The following SNX3 variants were observed in gnomAD, a reference collection of about 807,000 sequenced individuals.
SNX3 encodes sorting nexin 3.
A neutral mutation model predicts 17.7 loss-of-function variants in SNX3; 5 were observed. That is an observed-to-expected ratio of 0.28 (90% CI 0.15 to 0.59). SNX3 has a LOEUF of 0.59. Ranked by LOEUF, SNX3 falls within the 20% of genes least tolerant of loss-of-function variation. SNX3 has a pLI of 0.88. For synonymous variants in SNX3, 91 were observed against 76.5 expected (o/e 1.19, Z -0.99); for missense variants, 132 against 206.8 (o/e 0.64, Z 2.22).
chr6:108,245,656 C>T (rs1329362976), intron 1 of SNX3, among the ~76,000 whole-genome samples: 2 of 152,152 alleles, frequency 1.3e-5, no homozygotes, highest in Non-Finnish European at 1.5e-5. Flanking sequence ...TTCTAACTGG[C>T]GTGAGATGGT....
At chr6:108,257,741 A>G (rs140148339) in intron 1 of SNX3, among the ~76,000 whole-genome samples, 7,632 of 151,768 alleles carry the variant, frequency 0.05, 280 homozygotes, top group South Asian at 0.19. Context: ...CAAGGTAGGC[A>G]GATCATGAGG....
chr6:108,229,259 CAA>C (rs778617695), intron 1 of SNX3, among the ~76,000 whole-genome samples: 5,309 of 68,586 alleles, frequency 0.077, 74 homozygotes, highest in Middle Eastern at 0.2. Flanking sequence ...GACTCCACCT[CAA>C]AAAAAAAAAA....
chr6:108,212,227 G>A lies in SNX3; in HGVS notation c.411C>T (p.Asn137=), dbSNP rs746864520. The A allele has an allele frequency of 2.2e-5, 35 of 1,610,738 alleles. No homozygotes were observed. The highest frequency in any genetic ancestry group is 2.7e-5 in the Non-Finnish European group (32 of 1,178,536). ...GTAAAAACATGTGAAGACAACGTTC[G>A]TTCTGTGCCAGAGGATGACCAGCGA... ...NKVAGHPLAQ[N]ERCLHMFLQD... is the part of the protein sequence containing the mutation. The change falls in exon 4 of 4, where the codon AAC becomes AAT. Residue 137 remains asparagine (N), a synonymous_variant. Coordinates refer to ENST00000230085, the MANE Select transcript of SNX3 (RefSeq NM_003795.6).
At chr6:108,235,647 G>C (rs1775304998) in intron 1 of SNX3, among the ~76,000 whole-genome samples, 1 of 152,170 alleles carries the variant, frequency 6.6e-6, no homozygotes, top group South Asian at 2.1e-4. Flanking sequence ...TGTAATCCCA[G>C]CATGTTGGGA....
At chr6:108,234,176 T>C (rs986720817) in intron 1 of SNX3, among the ~76,000 whole-genome samples, 3 of 151,898 alleles carry the variant, frequency 2.0e-5, no homozygotes, top group South Asian at 2.1e-4. Context: ...TCTTTGATGT[T>C]TGAATGAAAG....
chr6:108,260,658 C>T, intron 1 of SNX3, 102 bp downstream of exon 1: 2 of 1,380,090 alleles, frequency 1.4e-6, no homozygotes, highest in East Asian at 5.0e-5. Flanking sequence ...GGCTCCCGGC[C>T]TGGGAGGCTG....
intron 1 of SNX3, among the ~76,000 whole-genome samples, chr6:108,246,522 G>A (rs938211436): frequency 2.7e-5 from 4 of 150,796 alleles, no homozygotes; most frequent in Admixed American, 2.6e-4. Context: ...TAGACATGGG[G>A]TTTCACCATG....
At chr6:108,242,915 G>T (rs1308365114) in intron 1 of SNX3, among the ~76,000 whole-genome samples, 1 of 152,128 alleles carries the variant, frequency 6.6e-6, no homozygotes, top group Non-Finnish European at 1.5e-5. Flanking sequence ...AAGCCTGGAA[G>T]AGAACTCCCG....
chr6:108,243,038 G>T (rs1211598284), intron 1 of SNX3, among the ~76,000 whole-genome samples: 2 of 152,202 alleles, frequency 1.3e-5, no homozygotes, highest in South Asian at 2.1e-4. Flanking sequence ...ACAGAAACTT[G>T]TGAGATGATA....
At chr6:108,235,412 A>T (rs1203148217) in intron 1 of SNX3, among the ~76,000 whole-genome samples, 5 of 152,188 alleles carry the variant, frequency 3.3e-5, no homozygotes, top group Non-Finnish European at 7.3e-5. Flanking sequence ...TGACTTCAAG[A>T]CCTGACCAAA....
chr6:108,253,392 TC>T (rs1297300116), intron 1 of SNX3, among the ~76,000 whole-genome samples: 1 of 147,464 alleles, frequency 6.8e-6, no homozygotes, highest in Non-Finnish European at 1.5e-5. Context: ...AATACATATG[TC>T]TTTTTTTTTT....
At chr6:108,223,152 T>C in intron 1 of SNX3, 107 bp from the exon 2 acceptor site, 2 of 647,040 alleles carry the variant, frequency 3.1e-6, no homozygotes, top group South Asian at 1.9e-5. Flanking sequence ...TCTTTTTCTT[T>C]TTTTGAGACA....
At chr6:108,249,250 G>A (rs1775778985) in intron 1 of SNX3, among the ~76,000 whole-genome samples, 1 of 151,888 alleles carries the variant, frequency 6.6e-6, no homozygotes, top group African/African-American at 2.4e-5. Flanking sequence ...TACTGTATGA[G>A]AAATTAATTA....
At chr6:108,245,233 A>G (rs1464020745) in intron 1 of SNX3, among the ~76,000 whole-genome samples, 1 of 152,010 alleles carries the variant, frequency 6.6e-6, no homozygotes, top group Non-Finnish European at 1.5e-5. Flanking sequence ...TTCCTGTGTT[A>G]GTTTGCTGAG....
chr6:108,243,251 A>G (rs1031094599), intron 1 of SNX3, among the ~76,000 whole-genome samples: 1 of 151,804 alleles, frequency 6.6e-6, no homozygotes, highest in African/African-American at 2.4e-5. Flanking sequence ...GACTATAGGC[A>G]CAAACCACTG....
At chr6:108,215,460 C>G (rs1276024903) in intron 2 of SNX3, among the ~76,000 whole-genome samples, 1 of 152,086 alleles carries the variant, frequency 6.6e-6, no homozygotes, top group Non-Finnish European at 1.5e-5. Context: ...CTAGTTGTCA[C>G]TATTCTGTTT....
chr6:108,218,133 G>A (rs1340112019), intron 2 of SNX3, among the ~76,000 whole-genome samples: 1 of 152,142 alleles, frequency 6.6e-6, no homozygotes, highest in Admixed American at 6.5e-5. Context: ...GGAGATATGT[G>A]CAAATTATGT....
chr6:108,246,609 C>A (rs1228753889), intron 1 of SNX3, among the ~76,000 whole-genome samples: 2 of 151,666 alleles, frequency 1.3e-5, no homozygotes, highest in African/African-American at 4.8e-5. Flanking sequence ...GGATTATAGG[C>A]GTGAGACACT....
chr6:108,259,274 C>T (rs1776118388), intron 1 of SNX3, among the ~76,000 whole-genome samples: 1 of 152,182 alleles, frequency 6.6e-6, no homozygotes, highest in African/African-American at 2.4e-5. Flanking sequence ...GCTCTTGTTG[C>T]CCAGGCTGGA....
Sources: gnomAD v4.1 joint callset for allele counts (sites outside exome capture counted in the v4.1 genomes callset) on GRCh38, gnomAD v4.1.1 for gene constraint, MANE v1.5 for transcripts, NCBI Gene and HGNC (gene_info 2026-07-23, HGNC 2026-07-21) for gene names.